Variants in PCOLCE2 observed in about 807,000 individuals in gnomAD.
The protein encoded by PCOLCE2 is procollagen C-endopeptidase enhancer 2, also known as procollagen C-proteinase enhancer 2.
In PCOLCE2, 42 loss-of-function variants were observed where a neutral mutation model predicts 47.0. The ratio of observed to expected loss-of-function variants is 0.89; its 90% CI spans 0.70 to 1.16. The LOEUF is 1.16. Ranked by LOEUF, PCOLCE2 falls within the 50% of genes most tolerant of loss-of-function variation. PCOLCE2 has a pLI of 0.00. For missense variants in PCOLCE2, 500 were observed against 526.1 expected, an observed-to-expected ratio of 0.95 and a Z score of 0.49; for synonymous variants, 169 against 191.7, an observed-to-expected ratio of 0.88 and a Z score of 0.98.
At chr3:142,860,948 G>A (rs1933171466) in intron 2 of PCOLCE2, among the ~76,000 whole-genome samples, 1 of 152,056 alleles carries the variant, frequency 6.6e-6, no homozygotes, top group African/African-American at 2.4e-5. Context: ...CCATTCCCAG[G>A]GCTTCTAGGT....
chr3:142,851,520 T>A (rs925869633), intron 2 of PCOLCE2, among the ~76,000 whole-genome samples: 5 of 152,122 alleles, frequency 3.3e-5, no homozygotes, highest in African/African-American at 9.6e-5. Context: ...AGGATGGAAA[T>A]CAGGACGCTG....
intron 3 of PCOLCE2, among the ~76,000 whole-genome samples, chr3:142,843,630 A>T (rs935615261): frequency 6.6e-6 from 1 of 151,994 alleles, no homozygotes; most frequent in African/African-American, 2.4e-5. Flanking sequence ...GCCACCAAAA[A>T]CTCATCAAAA....
chr3:142,866,918 T>C (rs1933294451), intron 2 of PCOLCE2, among the ~76,000 whole-genome samples: 1 of 152,268 alleles, frequency 6.6e-6, no homozygotes, highest in Admixed American at 6.5e-5. Flanking sequence ...AACAGGGCAG[T>C]TCCCACTCCC....
At chr3:142,886,507 T>C (rs1169824891) in intron 2 of PCOLCE2, among the ~76,000 whole-genome samples, 5 of 152,192 alleles carry the variant, frequency 3.3e-5, no homozygotes, top group African/African-American at 1.2e-4. Flanking sequence ...TATAATAACA[T>C]AATGAAATCT....
intron 2 of PCOLCE2, among the ~76,000 whole-genome samples, chr3:142,856,388 C>T (rs1333054666): frequency 6.6e-6 from 1 of 152,164 alleles, no homozygotes; most frequent in Non-Finnish European, 1.5e-5. Context: ...GAGAGGCAAC[C>T]AGCAGCCACT....
At chr3:142,818,569 G>C (rs992001484) in intron 8 of PCOLCE2, 104 bp from the exon 9 acceptor site, 1 of 906,396 alleles carries the variant, frequency 1.1e-6, no homozygotes, top group African/African-American at 1.6e-5. Context: ...TCTGCAAATG[G>C]TAAGATTATA....
rs1937268786 is a variant in PCOLCE2, at chr3:142,842,046, G to C, written c.573+878C>G. On this transcript the variant is annotated intron_variant, in intron 4 of 8. Transcript: ENST00000295992. This position sits in a 1 kb window ranked among gnomAD's most constrained non-coding sequence, Gnocchi z 4.1. ...TCGACCTTCTCTGTTGATTATTTCA[G>C]AACAATGAATGAAGCTTTTTGTGGG... 6.6e-6 allele frequency among the ~76,000 whole-genome samples: 1 copy of C among 152,140 alleles called. No homozygotes were observed.
intron 2 of PCOLCE2, among the ~76,000 whole-genome samples, chr3:142,879,679 TAA>T (rs1168117531): frequency 3.3e-5 from 5 of 152,242 alleles, no homozygotes; most frequent in Non-Finnish European, 7.3e-5. Flanking sequence ...ATAAGAATTG[TAA>T]AGTTTTGGCC....
chr3:142,850,418 GA>G, intron 2 of PCOLCE2, among the ~76,000 whole-genome samples: 1 of 152,278 alleles, frequency 6.6e-6, no homozygotes, highest in South Asian at 2.1e-4. Flanking sequence ...AATGTGGATA[GA>G]AAAAGGAAGA....
chr3:142,887,647 T>C lies in PCOLCE2; in HGVS notation c.192+22A>G, dbSNP rs372594826. On this transcript the variant is annotated intron_variant, in intron 2 of 8. Transcript: ENST00000295992. Reference sequence around the variant, plus strand: ...TTGCCAACACCCACTTCCAGGAGAATACCTTTTTAAAAAATGCTTACTGTG... The same window carrying C: ...TTGCCAACACCCACTTCCAGGAGAACACCTTTTTAAAAAATGCTTACTGTG... The C allele has an allele frequency of 7.3e-6, 9 of 1,228,394 alleles. No homozygotes were observed. The African/African-American group carries it at 1.2e-4, about 16-fold the overall frequency. The allele number at this position is 1,228,394 out of a possible 1,614,324, so 76.1% of individuals were successfully genotyped here. A position where few individuals can be genotyped will look rare whatever the true frequency, so the allele number is the denominator to read the frequency against.
intron 2 of PCOLCE2, among the ~76,000 whole-genome samples, chr3:142,855,666 C>G (rs565799599): frequency 6.6e-6 from 1 of 152,278 alleles, no homozygotes; most frequent in African/African-American, 2.4e-5. Flanking sequence ...GAGTCTGGGT[C>G]CTGGTCAATG....
Position 142,888,796 on chromosome 3 carries a change from G to A in PCOLCE2, c.83+18C>T, listed in dbSNP as rs1239716617. ...AAGGGAAAGGAGAGAAAGGGAGCCC[G>A]GGCAGGGGTCGCGTTACCTCTCTGG... is the stretch of plus-strand genomic sequence containing the variant. On this transcript the variant is annotated intron_variant, in intron 1 of 8. Transcript: ENST00000295992. 8 of 1,444,874 alleles carry A rather than the reference G, an allele frequency of 5.5e-6. No individual in the cohort carries two copies. Among genetic ancestry groups the A allele is most frequent in the Middle Eastern group, 1.8e-4 (1 of 5,428 alleles). 89.5% of individuals were successfully genotyped at this position (1,444,874 alleles called of 1,614,324 possible). A position where few individuals can be genotyped will look rare whatever the true frequency, so the allele number is the denominator to read the frequency against.
chr3:142,878,334 G>A (rs895935426), intron 2 of PCOLCE2, among the ~76,000 whole-genome samples: 10 of 152,038 alleles, frequency 6.6e-5, no homozygotes, highest in South Asian at 2.1e-4. Context: ...ACTGACTCTC[G>A]TGATCGACCA....
rs1449127268 is a variant in PCOLCE2, at chr3:142,842,078, G to C, written c.573+846C>G. Among the ~76,000 whole-genome samples, 6 of 152,204 alleles carry C rather than the reference G, an allele frequency of 3.9e-5. No individual in the cohort carries two copies. The highest frequency in any genetic ancestry group is 3.9e-4 in the Admixed American group (6 of 15,276). On this transcript the variant is annotated intron_variant, in intron 4 of 8. Coordinates refer to ENST00000295992, the MANE Select transcript of PCOLCE2 (RefSeq NM_013363.4). This position sits in a 1 kb window ranked among gnomAD's most constrained non-coding sequence, Gnocchi z 4.1. ...GAATGAAGCTTTTTGTGGGGAACCTGCACATATTTTATTTTAAATGACAAC... is the reference window on the plus strand; with the variant it reads ...GAATGAAGCTTTTTGTGGGGAACCTCCACATATTTTATTTTAAATGACAAC...
intron 2 of PCOLCE2, among the ~76,000 whole-genome samples, chr3:142,864,808 T>C (rs759742953): frequency 6.6e-6 from 1 of 152,240 alleles, no homozygotes; most frequent in Non-Finnish European, 1.5e-5. Context: ...ATAGTGTCTC[T>C]GAGGTCCATG....
intron 5 of PCOLCE2, among the ~76,000 whole-genome samples, chr3:142,835,398 G>A (rs976470267): frequency 6.6e-6 from 1 of 152,044 alleles, no homozygotes; most frequent in African/African-American, 2.4e-5. Flanking sequence ...ATGAAGCTAT[G>A]CCAATTTTCC....
chr3:142,834,489 A>ATTT (rs1014649105), intron 5 of PCOLCE2, among the ~76,000 whole-genome samples: 2 of 152,168 alleles, frequency 1.3e-5, no homozygotes, highest in African/African-American at 4.8e-5. Flanking sequence ...CCTGAGCAGG[A>ATTT]TTTTTATTGC....
At chr3:142,866,302 C>T (rs1256549444) in intron 2 of PCOLCE2, among the ~76,000 whole-genome samples, 1 of 152,138 alleles carries the variant, frequency 6.6e-6, no homozygotes, top group African/African-American at 2.4e-5. Flanking sequence ...CCATTTTCTC[C>T]TGCCCTCGGA....
Position 142,817,961 on chromosome 3 carries a change from A to G in PCOLCE2, c.*374T>C. 1 of 165,760 alleles carries G rather than the reference A, an allele frequency of 6.0e-6. No homozygotes were observed. Among genetic ancestry groups the G allele is most frequent in the East Asian group, 1.6e-4 (1 of 6,196 alleles). The allele number at this position is 165,760 out of a possible 1,614,324, so 10.3% of individuals were successfully genotyped here. Reference sequence around the variant, plus strand: ...AGGGCAAAGGCTTGAAGGTGAAACAAATAACACTATAAATATTGCACTTCT... The same window carrying G: ...AGGGCAAAGGCTTGAAGGTGAAACAGATAACACTATAAATATTGCACTTCT... On this transcript the variant is annotated 3_prime_UTR_variant, in exon 9 of 9. Transcript: ENST00000295992.
Sources: gnomAD v4.1 joint callset for allele counts (sites outside exome capture counted in the v4.1 genomes callset) on GRCh38, gnomAD v4.1.1 for gene constraint, Gnocchi (gnomAD v3.1) non-coding constraint, MANE v1.5 for transcripts, NCBI Gene and HGNC (gene_info 2026-07-23, HGNC 2026-07-21) for gene names.